Variants in BTBD16 observed in about 807,000 individuals in gnomAD.
BTBD16 encodes BTB domain containing 16, also known as BTB/POZ domain-containing protein 16.
In BTBD16, 66 loss-of-function variants were observed where a neutral mutation model predicts 67.4. The observed-to-expected ratio is 0.98, with a 90% CI of 0.80 to 1.20. The LOEUF (loss-of-function observed/expected upper bound fraction) is 1.20, where lower values mean the gene tolerates loss of function less well. Ranked by LOEUF, BTBD16 falls within the 50% of genes most tolerant of loss-of-function variation. The pLI is 0.00. For synonymous variants in BTBD16, 242 were observed against 236.4 expected (o/e 1.02, Z -0.22); for missense variants, 634 against 616.0 (o/e 1.03, Z -0.31).
Position 122,296,445 on chromosome 10 carries a change from C to T in BTBD16, c.591-1323C>T, listed in dbSNP as rs183651863. The stretch of plus-strand genomic sequence containing the variant: ...GTACTGGATGTCCTTTAAGCCTCTG[C>T]CCATGAGCGGTGTGTATATCAACTG... On this transcript the variant is annotated intron_variant, in intron 7 of 15. Coordinates refer to ENST00000260723, the MANE Select transcript of BTBD16 (RefSeq NM_144587.5). 2.8e-4 allele frequency among the ~76,000 whole-genome samples: 43 copies of T among 152,210 alleles called. No individual in the cohort carries two copies. In the East Asian group the frequency reaches 8.1e-3, roughly 29 times the overall value.
chr10:122,332,422 C>T lies in BTBD16; in HGVS notation c.1087-14C>T. 1 of 1,613,352 alleles carries T rather than the reference C, an allele frequency of 6.2e-7. No individual in the cohort carries two copies. Among genetic ancestry groups the T allele is most frequent in the Non-Finnish European group, 8.5e-7 (1 of 1,179,626 alleles). On this transcript the variant is annotated splice_polypyrimidine_tract_variant and intron_variant, in intron 12 of 15. Transcript: ENST00000260723. ...GGATCCCACCGTGGTCAGCTGTGTG[C>T]ATTTTCCTTTCAGCTGGAGAATGGG...
At chr10:122,299,330 C>A (rs1189031533) in intron 9 of BTBD16, among the ~76,000 whole-genome samples, 196 bp downstream of exon 9, 2 of 152,106 alleles carry the variant, frequency 1.3e-5, no homozygotes, top group African/African-American at 4.8e-5. Context: ...CCTTCTCGCT[C>A]CTTCTTGTGG....
At chr10:122,330,276 G>A (rs896301187) in intron 11 of BTBD16, among the ~76,000 whole-genome samples, 1 of 152,052 alleles carries the variant, frequency 6.6e-6, no homozygotes, top group Non-Finnish European at 1.5e-5. Context: ...TGGTTGTAGG[G>A]GAACACTAAC....
intron 10 of BTBD16, among the ~76,000 whole-genome samples, chr10:122,328,359 G>T (rs2133313006): frequency 6.6e-6 from 1 of 152,302 alleles, no homozygotes; most frequent in South Asian, 2.1e-4. Context: ...GACAGGCACA[G>T]GGTAGATACT....
chr10:122,315,026 A>G (rs1213342879), intron 10 of BTBD16, among the ~76,000 whole-genome samples: 1 of 152,182 alleles, frequency 6.6e-6, no homozygotes, highest in Non-Finnish European at 1.5e-5. Context: ...GGTTTGGTGT[A>G]GATACTCTTT....
intron 3 of BTBD16, among the ~76,000 whole-genome samples, chr10:122,277,806 G>A (rs758406012): frequency 6.6e-6 from 1 of 152,140 alleles, no homozygotes; most frequent in Admixed American, 6.5e-5. Flanking sequence ...CAACATTGGG[G>A]ATCAAATTTC....
intron 10 of BTBD16, chr10:122,328,711 C>G: frequency 2.1e-6 from 2 of 967,484 alleles, no homozygotes; most frequent in Non-Finnish European, 2.5e-6. Context: ...AAAGATTGTT[C>G]CCCATTGTCC....
chr10:122,333,237 A>G (rs892905350), intron 13 of BTBD16, among the ~76,000 whole-genome samples: 6 of 152,150 alleles, frequency 3.9e-5, no homozygotes, highest in African/African-American at 1.2e-4. Flanking sequence ...TTGCAGAGAC[A>G]TCGTGCCTAA....
chr10:122,296,809 GC>G (rs2096384107), intron 7 of BTBD16, among the ~76,000 whole-genome samples: 1 of 152,206 alleles, frequency 6.6e-6, no homozygotes, highest in Non-Finnish European at 1.5e-5. Flanking sequence ...CTGGAGCTGA[GC>G]CCAGACGAAC....
intron 7 of BTBD16, among the ~76,000 whole-genome samples, chr10:122,292,881 C>T (rs979783480): frequency 1.3e-5 from 2 of 152,332 alleles, no homozygotes; most frequent in South Asian, 2.1e-4. Flanking sequence ...TAAGAAAGAG[C>T]ATTTCTTAGA....
At chr10:122,299,440 A>G (rs1460357172) in intron 9 of BTBD16, among the ~76,000 whole-genome samples, 1 of 152,168 alleles carries the variant, frequency 6.6e-6, no homozygotes, top group Non-Finnish European at 1.5e-5. Flanking sequence ...AAATCCTGAC[A>G]ACATCAATGC....
At chr10:122,324,237 A>G (rs1006624752) in intron 10 of BTBD16, among the ~76,000 whole-genome samples, 11 of 152,224 alleles carry the variant, frequency 7.2e-5, no homozygotes, top group Admixed American at 7.2e-4. Context: ...GAAAAAGAGC[A>G]TGTGCTGGCT....
chr10:122,288,265 G>A (rs1001056104), intron 5 of BTBD16, among the ~76,000 whole-genome samples: 7 of 152,204 alleles, frequency 4.6e-5, no homozygotes, highest in East Asian at 1.9e-4. Context: ...GCAGGCTGGC[G>A]TGAGCAGATG....
intron 10 of BTBD16, among the ~76,000 whole-genome samples, chr10:122,319,762 G>A (rs1444018128): frequency 6.6e-6 from 1 of 151,954 alleles, no homozygotes; most frequent in African/African-American, 2.4e-5. Context: ...GAAAAATCTC[G>A]TGGAATTTTG....
chr10:122,273,245 T>TAC (rs1554885566), intron 1 of BTBD16, among the ~76,000 whole-genome samples: 32 of 139,478 alleles, frequency 2.3e-4, no homozygotes, highest in African/African-American at 6.4e-4. Flanking sequence ...TATATATATA[T>TAC]ACACACATAC....
chr10:122,334,281 T>A (rs1261372779), intron 13 of BTBD16, among the ~76,000 whole-genome samples: 1 of 150,708 alleles, frequency 6.6e-6, no homozygotes, highest in Admixed American at 6.6e-5. Flanking sequence ...CTGCAAGCTC[T>A]GCCTCCTGGG....
At chr10:122,282,781 C>T (rs2096355737) in intron 3 of BTBD16, among the ~76,000 whole-genome samples, 1 of 152,210 alleles carries the variant, frequency 6.6e-6, no homozygotes, top group Admixed American at 6.5e-5. Flanking sequence ...AGTAAACAGG[C>T]AGCCACAAGA....
chr10:122,332,378 A>C, intron 12 of BTBD16, 58 bp from the exon 13 acceptor site: 1 of 1,544,118 alleles, frequency 6.5e-7, no homozygotes, highest in South Asian at 1.2e-5. Context: ...GAAGATGAAG[A>C]GAGGCGCTCG....
At chr10:122,301,209 C>T (rs2096393231) in intron 9 of BTBD16, among the ~76,000 whole-genome samples, 1 of 152,092 alleles carries the variant, frequency 6.6e-6, no homozygotes, top group Admixed American at 6.5e-5. Context: ...ATAACATTGT[C>T]CCTCCCTTGG....
Sources: allele counts gnomAD v4.1 joint callset (sites outside exome capture counted in the v4.1 genomes callset), GRCh38; gene constraint gnomAD v4.1.1; transcripts MANE v1.5; gene names NCBI Gene and HGNC (gene_info 2026-07-23, HGNC 2026-07-21).